The following PCNX1 variants were observed in gnomAD, a reference collection of about 807,000 sequenced individuals.
PCNX1 encodes the protein pecanex-like protein 1.
In PCNX1, 78 loss-of-function variants were observed where a neutral mutation model predicts 242.2. That is an observed-to-expected ratio of 0.32 (90% CI 0.27 to 0.39). The LOEUF is 0.39. PCNX1 is among the 10% of genes least tolerant of loss of function. PCNX1 has a pLI of 1.00. For missense variants in PCNX1, 2,581 were observed against 2,856.5 expected, an observed-to-expected ratio of 0.90 and a Z score of 2.20; for synonymous variants, 1,024 against 1,032.9, an observed-to-expected ratio of 0.99 and a Z score of 0.17.
chr14:71,109,106 A>G, intron 34 of PCNX1, 60 bp downstream of exon 34: 1 of 1,346,068 alleles, frequency 7.4e-7, no homozygotes, highest in East Asian at 2.4e-5. Flanking sequence ...TTTATTTCTT[A>G]TTTGTTGAAT....
chr14:70,930,206 T>A (rs1594924033), intron 1 of PCNX1, among the ~76,000 whole-genome samples: 1 of 152,096 alleles, frequency 6.6e-6, no homozygotes, highest in Non-Finnish European at 1.5e-5. Flanking sequence ...TGCTCACAGG[T>A]ACAGTCATAG....
chr14:70,996,843 T>C (rs1424396780), intron 8 of PCNX1, among the ~76,000 whole-genome samples: 4 of 152,136 alleles, frequency 2.6e-5, no homozygotes, highest in African/African-American at 9.7e-5. Flanking sequence ...TTGCCCAAAT[T>C]AGGATTTAAT....
intron 2 of PCNX1, among the ~76,000 whole-genome samples, chr14:70,960,291 A>G (rs2058161928): frequency 6.9e-6 from 1 of 144,988 alleles, no homozygotes; most frequent in African/African-American, 2.6e-5. Context: ...TGTTTTAGAC[A>G]TGAAGTCCTT....
rs192764638 is a variant in PCNX1, at chr14:71,080,798, G to A, written c.5337+4379G>A. 1.6e-3 allele frequency among the ~76,000 whole-genome samples: 251 copies of A among 152,204 alleles called. 2 individuals are homozygous for A. Among genetic ancestry groups the A allele is most frequent in the African/African-American group, 5.5e-3 (230 of 41,528 alleles). On this transcript the variant is annotated intron_variant, in intron 28 of 35. Transcript: ENST00000304743. ...GACAGTGGGGTTTTCTAAATATACA[G>A]TCATGTCATCTGGAAACAGAGACAA...
chr14:70,947,071 A>G lies in PCNX1; in HGVS notation c.310A>G (p.Lys104Glu). Residue 104 changes from lysine (K) to glutamate (E), a missense_variant, in exon 2 of 36, where the codon AAA becomes GAA. Physicochemically the swap from Lys to Glu is moderately conservative, Grantham distance 56 (BLOSUM62 1). Around this residue, in one of 9 missense-constraint regions of PCNX1, gnomAD observed 1,204 missense variants for 1,216.7 expected, o/e 0.99. Coordinates refer to ENST00000304743, the MANE Select transcript of PCNX1 (RefSeq NM_014982.3). ...AAATGAGTTCACGGATCAGCGAACC[A>G]AAGCTGAACAAGGCAACTGTTCAAC... Reference protein sequence around the residue: ...TANEFTDQRTKAEQGNCSTRR... With the variant: ...TANEFTDQRTEAEQGNCSTRR... The G allele has an allele frequency of 6.2e-7, 1 of 1,613,504 alleles. No individual in the cohort carries two copies. Among genetic ancestry groups the G allele is most frequent in the Non-Finnish European group, 8.5e-7 (1 of 1,179,750 alleles).
rs879914693 is a variant in PCNX1, at chr14:70,942,080, G to A, written c.154-4835G>A. On this transcript the variant is annotated intron_variant, in intron 1 of 35. Coordinates refer to ENST00000304743, the MANE Select transcript of PCNX1 (RefSeq NM_014982.3). ...AATTCTCCAACCCCTTGCACTTCCC[G>A]GGTGAGGTGATGCCCAGTCCTGCTT... Among the ~76,000 whole-genome samples, 4 of 152,216 alleles carry A rather than the reference G, an allele frequency of 2.6e-5. No individual in the cohort carries two copies. In the South Asian group the frequency reaches 6.2e-4, roughly 24 times the overall value.
intron 30 of PCNX1, among the ~76,000 whole-genome samples, chr14:71,101,730 A>G (rs867118466): frequency 1.1e-4 from 16 of 152,336 alleles, no homozygotes; most frequent in African/African-American, 3.6e-4. Context: ...AACAAAACAC[A>G]TAAAAACCAG....
chr14:71,050,613 T>G (rs190455926), intron 22 of PCNX1, 39 bp from the exon 23 acceptor site: 60 of 1,521,160 alleles, frequency 3.9e-5, no homozygotes, highest in East Asian at 2.3e-5. Context: ...CTGATAAGTT[T>G]TTTTTTTTTT....
At position 70,986,046 on chromosome 14, in the gene PCNX1, T is replaced by G. The variant is rs112962214; in HGVS notation, c.2312-2521T>G. 1.4e-3 allele frequency among the ~76,000 whole-genome samples: 210 copies of G among 152,350 alleles called. 1 individual carries two copies. Among genetic ancestry groups the G allele is most frequent in the South Asian group, 6.8e-3 (33 of 4,828 alleles). ...CTGTATGTGCTTACAGCAAATTATT[T>G]TAAGCTTTAAAGACACATTTTCCCT... On this transcript the variant is annotated intron_variant, in intron 6 of 35. Coordinates refer to ENST00000304743, the MANE Select transcript of PCNX1 (RefSeq NM_014982.3).
At position 71,036,161 on chromosome 14, in the gene PCNX1, A is replaced by G; in HGVS notation, c.3867+4A>G. On this transcript the variant is annotated splice_donor_region_variant and intron_variant, in intron 19 of 35. Coordinates refer to ENST00000304743, the MANE Select transcript of PCNX1 (RefSeq NM_014982.3). The stretch of plus-strand genomic sequence containing the variant: ...CACAGTCTTCACAGTATTGCAGGTA[A>G]GGAATCATTTTCTCCTTTTATTTGT... The G allele has an allele frequency of 1.3e-6, 2 of 1,555,086 alleles. No individual in the cohort carries two copies. The highest frequency in any genetic ancestry group is 1.4e-5 in the African/African-American group (1 of 73,784).
chr14:71,016,045 AT>A (rs1426554091), intron 11 of PCNX1, among the ~76,000 whole-genome samples: 3 of 152,194 alleles, frequency 2.0e-5, no homozygotes, highest in Non-Finnish European at 4.4e-5. Flanking sequence ...ATAAAAACAA[AT>A]AGGTTAAAAG....
chr14:71,091,307 C>G (rs948643793), intron 30 of PCNX1, among the ~76,000 whole-genome samples: 5 of 152,262 alleles, frequency 3.3e-5, no homozygotes, highest in Admixed American at 2.0e-4. Context: ...TGCCAAAGTT[C>G]ATGTGCTCAT....
intron 22 of PCNX1, among the ~76,000 whole-genome samples, chr14:71,048,238 T>C (rs907550137): frequency 6.6e-6 from 1 of 152,114 alleles, no homozygotes; most frequent in Non-Finnish European, 1.5e-5. Flanking sequence ...TAAGTATATT[T>C]TAAAATATAT....
intron 2 of PCNX1, among the ~76,000 whole-genome samples, chr14:70,951,725 A>C (rs184173103): frequency 2.6e-5 from 4 of 152,128 alleles, no homozygotes; most frequent in Admixed American, 2.6e-4. Context: ...CTTTTGTGAG[A>C]TATCTTCATG....
intron 1 of PCNX1, among the ~76,000 whole-genome samples, chr14:70,925,192 T>C (rs1440476803): frequency 6.6e-6 from 1 of 152,196 alleles, no homozygotes; most frequent in East Asian, 1.9e-4. Context: ...TTTTGCCATG[T>C]TGGCCAGGCT....
chr14:71,059,757 C>T (rs913540818), intron 26 of PCNX1, among the ~76,000 whole-genome samples: 3 of 152,134 alleles, frequency 2.0e-5, no homozygotes, highest in Admixed American at 6.6e-5. Flanking sequence ...AGTGACTTCT[C>T]ATTGCATTTA....
At chr14:70,943,105 C>T (rs2057320966) in intron 1 of PCNX1, among the ~76,000 whole-genome samples, 1 of 152,160 alleles carries the variant, frequency 6.6e-6, no homozygotes, top group African/African-American at 2.4e-5. Context: ...TTATAAATTA[C>T]CCAGTCTCGG....
At position 71,057,399 on chromosome 14, in the gene PCNX1, T is replaced by G. The variant is rs2061212362; in HGVS notation, c.4637-110T>G. On this transcript the variant is annotated intron_variant, in intron 25 of 35. Coordinates refer to ENST00000304743, the MANE Select transcript of PCNX1 (RefSeq NM_014982.3). ...TGTAAGGGTATGAATGTTATTTTCCTTGTCAAATAAATATAACCCCATACT... is the reference window on the plus strand; with the variant it reads ...TGTAAGGGTATGAATGTTATTTTCCGTGTCAAATAAATATAACCCCATACT... 7.3e-6 allele frequency: 5 copies of G among 683,950 alleles called. No individual in the cohort carries two copies. In the East Asian group the frequency reaches 1.3e-4, roughly 17 times the overall value. 42.4% of individuals were successfully genotyped at this position (683,950 alleles called of 1,614,324 possible).
rs762727389 is a variant in PCNX1 at position 71,019,095 on chromosome 14, T to C, written c.3083T>C (p.Phe1028Ser). Residue 1028 changes from phenylalanine (F) to serine (S), a missense_variant, in exon 12 of 36, where the codon TTC becomes TCC. Phe to Ser is a radical substitution (Grantham distance 155). Transcript: ENST00000304743. ...GGATCTATTCTTCTCATACAAGGAT[T>C]CTTCAGAGATATCTGGGTCTTCCAG... is the stretch of plus-strand genomic sequence containing the variant. ...FLGSILLIQG[F>S]FRDIWVFQFC... 5 of 1,613,628 alleles carry C rather than the reference T, an allele frequency of 3.1e-6. No individual in the cohort carries two copies. The highest frequency in any genetic ancestry group is 3.4e-6 in the Non-Finnish European group (4 of 1,179,652).
Sources: allele counts gnomAD v4.1 joint callset (sites outside exome capture counted in the v4.1 genomes callset), GRCh38; gene constraint gnomAD v4.1.1; regional missense constraint gnomAD v4.1.1; transcripts MANE v1.5; gene names NCBI Gene and HGNC (gene_info 2026-07-23, HGNC 2026-07-21).